The following SMURF2 variants were observed in gnomAD, a reference collection of about 807,000 sequenced individuals.
SMURF2 encodes the protein E3 ubiquitin-protein ligase SMURF2.
A neutral mutation model predicts 109.6 loss-of-function variants in SMURF2; 48 were observed. That is an observed-to-expected ratio of 0.44 (90% CI 0.35 to 0.56). SMURF2 has a LOEUF of 0.56. Among genes scored for constraint, SMURF2 ranks in the 20% least tolerant of loss-of-function variants. The pLI, the probability that SMURF2 is intolerant of heterozygous loss-of-function variation, is 0.01. For missense variants in SMURF2, 575 were observed against 909.0 expected (o/e 0.63, Z 4.72); for synonymous variants, 288 against 317.1 (o/e 0.91, Z 0.97).
intron 16 of SMURF2, among the ~76,000 whole-genome samples, chr17:64,549,628 C>A (rs1007475633): frequency 2.6e-5 from 4 of 152,018 alleles, no homozygotes; most frequent in Non-Finnish European, 4.4e-5. Context: ...TGGTGGTGCA[C>A]ACCTGAAGTC....
chr17:64,545,741 G>A lies in SMURF2; in HGVS notation c.*107C>T, dbSNP rs868922045. On this transcript the variant is annotated 3_prime_UTR_variant, in exon 19 of 19. Transcript: ENST00000262435. ...TAAAAAAAAAAAAAAAAAGGGGGGG[G>A]GGGGGAGTGTTTTCCTGTATTTCAG... 4.7e-4 allele frequency: 186 copies of A among 393,148 alleles called. 4 individuals are homozygous for A. Among genetic ancestry groups the A allele is most frequent in the African/African-American group, 3.3e-3 (162 of 49,490 alleles). The allele number at this position is 393,148 out of a possible 1,614,324, so 24.4% of individuals were successfully genotyped here.
At chr17:64,564,056 G>A (rs954040545) in intron 10 of SMURF2, among the ~76,000 whole-genome samples, 8 of 152,190 alleles carry the variant, frequency 5.3e-5, no homozygotes, top group African/African-American at 9.6e-5. Flanking sequence ...TGAGCTGCTC[G>A]ATTTGGGAGG....
intron 10 of SMURF2, among the ~76,000 whole-genome samples, chr17:64,566,561 G>GTTTTTTTTTTTTTGTTTTTTTTTTT (rs1969306919): frequency 2.3e-5 from 1 of 43,784 alleles, no homozygotes; most frequent in African/African-American, 7.5e-5. Flanking sequence ...AAGCTTTCTG[G>GTTTTTTTTTTTTTGTTTTTTTTTTT]TTTTTTTTTT....
At chr17:64,558,473 A>G (rs1398015427) in intron 12 of SMURF2, among the ~76,000 whole-genome samples, 2 of 152,066 alleles carry the variant, frequency 1.3e-5, no homozygotes, top group Non-Finnish European at 2.9e-5. Flanking sequence ...CAGACATATA[A>G]TATAGTATTG....
intron 1 of SMURF2, among the ~76,000 whole-genome samples, chr17:64,609,013 CAG>C (rs1184187500): frequency 6.6e-6 from 1 of 152,080 alleles, no homozygotes; most frequent in Non-Finnish European, 1.5e-5. Flanking sequence ...AACAGACAAA[CAG>C]AGCCAATTGC....
rs782659594 is a variant in SMURF2, at chr17:64,561,606, G to GA, written c.1213-4dup. On this transcript the variant is annotated splice_polypyrimidine_tract_variant and splice_region_variant and intron_variant, in intron 11 of 18. Coordinates refer to ENST00000262435, the MANE Select transcript of SMURF2 (RefSeq NM_022739.4). ...TTCATGACCTGTCGATATGATTCCT[G>GA]AAAAAAATAATTTTTAATACCCTAT... is the stretch of plus-strand genomic sequence containing the variant. 2 of 1,604,002 alleles carry GA rather than the reference G, an allele frequency of 1.2e-6. No homozygotes were observed. The highest frequency in any genetic ancestry group is 1.7e-5 in the Admixed American group (1 of 59,618).
chr17:64,577,599 AGAG>A (rs1463438421), intron 9 of SMURF2, among the ~76,000 whole-genome samples: 11 of 140,614 alleles, frequency 7.8e-5, no homozygotes, highest in African/African-American at 2.5e-4. Context: ...AAAAAAAAAA[AGAG>A]AGAGAGAGAG....
intron 10 of SMURF2, among the ~76,000 whole-genome samples, chr17:64,568,883 T>C (rs1969355836): frequency 6.6e-6 from 1 of 152,010 alleles, no homozygotes; most frequent in Admixed American, 6.6e-5. Flanking sequence ...GCGCCTGTAG[T>C]CCCAGCTACT....
intron 14 of SMURF2, 49 bp from the exon 15 acceptor site, chr17:64,555,042 G>A (rs1969099578): frequency 6.6e-7 from 1 of 1,516,976 alleles, no homozygotes; most frequent in Non-Finnish European, 9.0e-7. Flanking sequence ...CTAAAATACA[G>A]ACCCTATAGA....
chr17:64,629,234 T>TTAAC (rs1970306461), intron 1 of SMURF2, among the ~76,000 whole-genome samples: 2 of 152,168 alleles, frequency 1.3e-5, no homozygotes, highest in Admixed American at 1.3e-4. Context: ...GAAAAGTGTG[T>TTAAC]GTACACCTAT....
chr17:64,555,107 G>T (rs1555683940), intron 14 of SMURF2, 114 bp from the exon 15 acceptor site: 6 of 1,023,794 alleles, frequency 5.9e-6, no homozygotes, highest in Admixed American at 2.9e-5. Context: ...CAAATGTGAG[G>T]TCAGATTCTG....
intron 10 of SMURF2, among the ~76,000 whole-genome samples, chr17:64,564,033 C>T (rs1969266022): frequency 6.6e-6 from 1 of 152,132 alleles, no homozygotes; most frequent in African/African-American, 2.4e-5. Flanking sequence ...AAGCTCAAAA[C>T]TCAACAAAAA....
rs1406000558 is a variant in SMURF2, at chr17:64,662,091, C to T, written c.-211G>A. ...CCCCCTCCTCCCACTTCTCCTTCCTCGGCCCGGGCCGCACAACAAAGCGGC... is the reference window on the plus strand; with the variant it reads ...CCCCCTCCTCCCACTTCTCCTTCCTTGGCCCGGGCCGCACAACAAAGCGGC... On this transcript the variant is annotated 5_prime_UTR_variant, in exon 1 of 19. Coordinates refer to ENST00000262435, the MANE Select transcript of SMURF2 (RefSeq NM_022739.4). 3.7e-6 allele frequency: 4 copies of T among 1,068,500 alleles called. No individual in the cohort carries two copies. The highest frequency in any genetic ancestry group is 6.2e-5 in the East Asian group (1 of 16,200). The allele number at this position is 1,068,500 out of a possible 1,614,324, so 66.2% of individuals were successfully genotyped here. A position where few individuals can be genotyped will look rare whatever the true frequency, so the allele number is the denominator to read the frequency against.
At chr17:64,582,481 T>A (rs1235624473) in intron 7 of SMURF2, among the ~76,000 whole-genome samples, 1 of 152,234 alleles carries the variant, frequency 6.6e-6, no homozygotes, top group Admixed American at 6.5e-5. Context: ...TTATCTTGCA[T>A]CCCAATGTCT....
intron 1 of SMURF2, among the ~76,000 whole-genome samples, chr17:64,644,490 G>A (rs1383532648): frequency 4.0e-5 from 6 of 151,504 alleles, no homozygotes; most frequent in African/African-American, 1.5e-4. Context: ...CAACTACTCA[G>A]GAGGCTGAGG....
rs112746428 is a variant in SMURF2 at position 64,638,481 on chromosome 17, G to A, written c.52+23348C>T. Reference sequence around the variant, plus strand: ...CTCCCAAAGTGCTGGGATTACAGGCGTAAGCCACCACGCTCAGCCTGTTGT... The same window carrying A: ...CTCCCAAAGTGCTGGGATTACAGGCATAAGCCACCACGCTCAGCCTGTTGT... On this transcript the variant is annotated intron_variant, in intron 1 of 18. Coordinates refer to ENST00000262435, the MANE Select transcript of SMURF2 (RefSeq NM_022739.4). 2.2e-3 allele frequency among the ~76,000 whole-genome samples: 329 copies of A among 152,334 alleles called. 1 individual carries two copies. The highest frequency in any genetic ancestry group is 7.5e-3 in the African/African-American group (311 of 41,582).
At chr17:64,643,467 G>A (rs1402695034) in intron 1 of SMURF2, among the ~76,000 whole-genome samples, 1 of 152,106 alleles carries the variant, frequency 6.6e-6, no homozygotes, top group Non-Finnish European at 1.5e-5. Context: ...GCCCTAGGAG[G>A]CTGCCGTCAT....
intron 1 of SMURF2, among the ~76,000 whole-genome samples, chr17:64,616,682 G>C (rs7207546): frequency 0.031 from 4,639 of 151,000 alleles, 235 homozygotes; most frequent in African/African-American, 0.11. Flanking sequence ...AACTAGAGCT[G>C]AGATTCCAAC....
chr17:64,632,046 C>T (rs1393142894), intron 1 of SMURF2, among the ~76,000 whole-genome samples: 1 of 150,184 alleles, frequency 6.7e-6, no homozygotes, highest in Non-Finnish European at 1.5e-5. Context: ...CCAACCTCTG[C>T]CTCCCGGGTT....
Sources: allele counts gnomAD v4.1 joint callset (sites outside exome capture counted in the v4.1 genomes callset), GRCh38; gene constraint gnomAD v4.1.1; transcripts MANE v1.5; gene names NCBI Gene and HGNC (gene_info 2026-07-23, HGNC 2026-07-21).